The following ROBO1 variants were observed in gnomAD, a reference collection of about 807,000 sequenced individuals.
ROBO1 encodes the protein roundabout homolog 1.
ROBO1 carries 149 observed loss-of-function variants against 195.9 expected under a neutral mutation model. The ratio of observed to expected loss-of-function variants is 0.76; its 90% CI spans 0.67 to 0.87. The LOEUF is 0.87. Among genes scored for constraint, ROBO1 ranks in the 40% least tolerant of loss-of-function variants. The pLI is 0.00. For missense variants in ROBO1, 1,933 were observed against 2,068.3 expected (o/e 0.93, Z 1.27); for synonymous variants, 816 against 733.2 (o/e 1.11, Z -1.82).
At chr3:79,219,240 TTACCTGTGTGATGGGTA>T (rs1378078024) in intron 2 of ROBO1, among the ~76,000 whole-genome samples, 1 of 151,972 alleles carries the variant, frequency 6.6e-6, no homozygotes, top group Non-Finnish European at 1.5e-5. Context: ...GTGCTAAGTA[TTACCTGTGTGATGGGTA>T]TACAAAGTTA....
At chr3:79,000,718 C>G (rs1364836685) in intron 3 of ROBO1, among the ~76,000 whole-genome samples, 1 of 152,116 alleles carries the variant, frequency 6.6e-6, no homozygotes, top group Non-Finnish European at 1.5e-5. Context: ...TGTGGTGATT[C>G]CTCAAGGATC....
chr3:79,541,500 ATTTC>A (rs1201703835), intron 2 of ROBO1, among the ~76,000 whole-genome samples: 2 of 152,098 alleles, frequency 1.3e-5, no homozygotes, highest in African/African-American at 2.4e-5. Flanking sequence ...GAGAGACAGT[ATTTC>A]TTTAAGGACA....
At chr3:78,636,982 T>C (rs1025630905) in intron 22 of ROBO1, among the ~76,000 whole-genome samples, 8 of 131,192 alleles carry the variant, frequency 6.1e-5, no homozygotes, top group African/African-American at 2.2e-4. Flanking sequence ...TGGCCTGCAG[T>C]TGAAAATATT....
chr3:78,729,718 AG>A (rs1458955432), intron 5 of ROBO1, among the ~76,000 whole-genome samples: 12 of 152,198 alleles, frequency 7.9e-5, no homozygotes, highest in Non-Finnish European at 1.2e-4. Context: ...CTATAAAAGG[AG>A]GCAATATAAA....
chr3:79,054,639 C>T (rs900153518), intron 3 of ROBO1, among the ~76,000 whole-genome samples: 1 of 152,036 alleles, frequency 6.6e-6, no homozygotes, highest in Non-Finnish European at 1.5e-5. Flanking sequence ...TGGTCATACT[C>T]GTAAAAATTG....
At chr3:79,651,119 T>G (rs1200066898) in intron 1 of ROBO1, among the ~76,000 whole-genome samples, 2 of 152,000 alleles carry the variant, frequency 1.3e-5, no homozygotes, top group Non-Finnish European at 2.9e-5. Context: ...GCAAACACAT[T>G]ATATATGTTT....
chr3:78,870,052 C>T (rs1267666028), intron 4 of ROBO1, among the ~76,000 whole-genome samples: 1 of 152,128 alleles, frequency 6.6e-6, no homozygotes, highest in African/African-American at 2.4e-5. Context: ...GATACCATGG[C>T]AACAGAAAAC....
chr3:79,306,242 C>T (rs2033211899), intron 2 of ROBO1, among the ~76,000 whole-genome samples: 1 of 152,108 alleles, frequency 6.6e-6, no homozygotes, highest in Non-Finnish European at 1.5e-5. Flanking sequence ...CTACTACATA[C>T]AGTCAACAGA....
At chr3:79,050,680 G>A (rs1355240811) in intron 3 of ROBO1, among the ~76,000 whole-genome samples, 1 of 152,152 alleles carries the variant, frequency 6.6e-6, no homozygotes, top group Non-Finnish European at 1.5e-5. Context: ...CTCAGCAATT[G>A]TAAAAGAACA....
chr3:78,635,777 G>C lies in ROBO1; in HGVS notation c.3369C>G (p.Asn1123Lys), dbSNP rs1304690719. The C allele has an allele frequency of 6.2e-7, 1 of 1,613,250 alleles. No homozygotes were observed. Among genetic ancestry groups the C allele is most frequent in the Non-Finnish European group, 8.5e-7 (1 of 1,179,384 alleles). Residue 1123 changes from asparagine to lysine, a missense_variant, in exon 23 of 31, where the codon AAC becomes AAG. Around this residue, in one of 3 missense-constraint regions of ROBO1, gnomAD observed 1,737 missense variants for 1,882.5 expected, o/e 0.92. Transcript: ENST00000464233. The stretch of plus-strand genomic sequence containing the variant: ...AATACATGCAAGCCTCTTCACCTTT[G>C]TTCAGCTTGTTTTGCTCCACGATGT... ...QYNIVEQNKLNKDYRANDTVP... is the reference protein window; with the variant it reads ...QYNIVEQNKLKKDYRANDTVP...
intron 2 of ROBO1, among the ~76,000 whole-genome samples, chr3:79,535,882 GT>G (rs921592871): frequency 2.0e-5 from 3 of 150,818 alleles, no homozygotes; most frequent in African/African-American, 4.9e-5. Context: ...TCTTCAAGAG[GT>G]TTTTTTTTGT....
chr3:79,017,140 T>C (rs186316556), intron 3 of ROBO1, among the ~76,000 whole-genome samples: 2 of 152,294 alleles, frequency 1.3e-5, no homozygotes, highest in East Asian at 3.9e-4. Context: ...ATTTTTAAAA[T>C]TTACTTTAGT....
intron 1 of ROBO1, among the ~76,000 whole-genome samples, chr3:79,591,182 A>C (rs1488729814): frequency 6.6e-6 from 1 of 151,852 alleles, no homozygotes; most frequent in African/African-American, 2.4e-5. Flanking sequence ...GTACTATATA[A>C]AAAGTAATTT....
chr3:78,886,052 CT>C (rs1460199767), intron 4 of ROBO1, among the ~76,000 whole-genome samples: 1 of 150,252 alleles, frequency 6.7e-6, no homozygotes, highest in East Asian at 1.9e-4. Context: ...TGATATATGA[CT>C]TTATCTTTTA....
chr3:78,696,596 T>G (rs2081295158), intron 8 of ROBO1, among the ~76,000 whole-genome samples: 1 of 150,576 alleles, frequency 6.6e-6, no homozygotes, highest in African/African-American at 2.4e-5. Context: ...AAATAGTTGT[T>G]TAACCTAAAA....
intron 2 of ROBO1, among the ~76,000 whole-genome samples, chr3:79,359,472 A>G (rs898312401): frequency 6.6e-6 from 1 of 152,066 alleles, no homozygotes; most frequent in African/African-American, 2.4e-5. Context: ...ACTTGGTATC[A>G]TATGTTGTCT....
At chr3:78,642,101 C>T (rs1383623043) in intron 21 of ROBO1, among the ~76,000 whole-genome samples, 1 of 151,714 alleles carries the variant, frequency 6.6e-6, no homozygotes, top group African/African-American at 2.4e-5. Context: ...TATATTCGAG[C>T]TTAAGATATG....
At chr3:79,361,745 T>C (rs1385784445) in intron 2 of ROBO1, among the ~76,000 whole-genome samples, 5 of 152,096 alleles carry the variant, frequency 3.3e-5, no homozygotes, top group African/African-American at 1.2e-4. Context: ...GAAAAACTCA[T>C]TGCATACTTA....
intron 2 of ROBO1, among the ~76,000 whole-genome samples, chr3:79,445,660 C>A (rs952342594): frequency 3.5e-5 from 5 of 144,340 alleles, no homozygotes; most frequent in African/African-American, 5.1e-5. Context: ...TCAGGCCTGG[C>A]AATTTTTTTT....
Sources: gnomAD v4.1 joint callset for allele counts (sites outside exome capture counted in the v4.1 genomes callset) on GRCh38, gnomAD v4.1.1 for gene constraint, gnomAD v4.1.1 regional missense constraint, MANE v1.5 for transcripts, NCBI Gene and HGNC (gene_info 2026-07-23, HGNC 2026-07-21) for gene names.